Variants in DRC7 observed in about 807,000 individuals in gnomAD.
DRC7 encodes the protein dynein regulatory complex subunit 7, also known as coiled-coil domain containing 135.
DRC7 carries 80 observed loss-of-function variants against 104.4 expected under a neutral mutation model. The observed-to-expected ratio is 0.77, with a 90% CI of 0.64 to 0.92. The LOEUF (loss-of-function observed/expected upper bound fraction) is 0.92. Ranked by LOEUF, DRC7 falls within the 40% of genes least tolerant of loss-of-function variation. The pLI is 0.00. For missense variants in DRC7, 1,034 were observed against 1,141.1 expected (o/e 0.91, Z 1.35); for synonymous variants, 405 against 447.3 (o/e 0.91, Z 1.19).
At chr16:57,726,689 T>G in intron 14 of DRC7, 143 bp from the exon 15 acceptor site, 1 of 582,530 alleles carries the variant, frequency 1.7e-6, no homozygotes, top group Non-Finnish European at 3.1e-6. Flanking sequence ...TTTTTATAAG[T>G]GAGAAAATTA....
chr16:57,717,158 A>C (rs1287481416), intron 8 of DRC7, among the ~76,000 whole-genome samples: 1 of 144,524 alleles, frequency 6.9e-6, no homozygotes, highest in Admixed American at 6.9e-5. Flanking sequence ...ACCCTGTCTC[A>C]AAAAAAAAAA....
chr16:57,722,141 G>C (rs2048909910), intron 10 of DRC7, among the ~76,000 whole-genome samples: 1 of 152,216 alleles, frequency 6.6e-6, no homozygotes, highest in African/African-American at 2.4e-5. Context: ...GGCAGGGACT[G>C]TCATGCTCCA....
In DRC7 at chr16:57,698,052, G is replaced by T; in HGVS notation, c.103G>T (p.Val35Phe). 2 of 1,614,200 alleles carry T rather than the reference G, an allele frequency of 1.2e-6. No homozygotes were observed. The highest frequency in any genetic ancestry group is 1.7e-6 in the Non-Finnish European group (2 of 1,180,046). ...WARMEKMMRP[V>F]EVRKEEITLK... ...GAGGATGGAGAAAATGATGAGGCCA[G>T]TTGAGGTGCGGAAGGAGGAAATCAC... Residue 35 changes from valine to phenylalanine, a missense_variant, in exon 3 of 19, where the codon GTT (valine) becomes TTT (phenylalanine). Val to Phe is a conservative substitution (Grantham distance 50, BLOSUM62 -1). Coordinates refer to ENST00000360716, the MANE Select transcript of DRC7 (RefSeq NM_001289162.2).
Position 57,728,370 on chromosome 16 carries a change from T to G in DRC7, c.2197-20T>G. 1 of 1,555,408 alleles carries G rather than the reference T, an allele frequency of 6.4e-7. No individual in the cohort carries two copies. The highest frequency in any genetic ancestry group is 8.7e-7 in the Non-Finnish European group (1 of 1,146,576). On this transcript the variant is annotated intron_variant, in intron 16 of 18. Coordinates refer to ENST00000360716, the MANE Select transcript of DRC7 (RefSeq NM_001289162.2). ...TCTGTAGTTCCTGCTGATCCAGCTA[T>G]CTGCCCCTCACCTTTACAGGAGCGC...
At chr16:57,706,614 C>G (rs1343128220) in intron 7 of DRC7, among the ~76,000 whole-genome samples, 5 of 118,530 alleles carry the variant, frequency 4.2e-5, no homozygotes, top group African/African-American at 1.6e-4. Flanking sequence ...TCCCACCCAC[C>G]CCCCCATCCG....
rs771978637 is a variant in DRC7 at position 57,730,917 on chromosome 16, C to T, written c.2392-14C>T. ...CTTGTCAGTCCTCCTTCTCTGTCTGCCCTATGACCACAGGAGACCCAGGAG... is the reference window on the plus strand; with the variant it reads ...CTTGTCAGTCCTCCTTCTCTGTCTGTCCTATGACCACAGGAGACCCAGGAG... On this transcript the variant is annotated splice_polypyrimidine_tract_variant and intron_variant, in intron 17 of 18. Transcript: ENST00000360716. 1.1e-5 allele frequency: 18 copies of T among 1,612,236 alleles called. 1 individual carries two copies. In the South Asian group the frequency reaches 2.0e-4, roughly 18 times the overall value.
intron 17 of DRC7, among the ~76,000 whole-genome samples, chr16:57,729,804 GA>G: frequency 7.5e-6 from 1 of 134,190 alleles, no homozygotes; most frequent in African/African-American, 3.5e-5. Context: ...ATGGATGGAT[GA>G]GTGAGTAGGT....
intron 6 of DRC7, among the ~76,000 whole-genome samples, chr16:57,703,967 CAAAAAA>C (rs35232247): frequency 4.7e-5 from 3 of 64,348 alleles, no homozygotes; most frequent in East Asian, 4.7e-4. Context: ...ACTCTGGCTC[CAAAAAA>C]AAAAAAAAAA....
chr16:57,731,555 C>T lies in DRC7; in HGVS notation c.*297C>T. 1 of 434,274 alleles carries T rather than the reference C, an allele frequency of 2.3e-6. No homozygotes were observed. Among genetic ancestry groups the T allele is most frequent in the Non-Finnish European group, 4.2e-6 (1 of 238,566 alleles). The allele number at this position is 434,274 out of a possible 1,614,324, so 26.9% of individuals were successfully genotyped here. A position where few individuals can be genotyped will look rare whatever the true frequency, so the allele number is the denominator to read the frequency against. The stretch of plus-strand genomic sequence containing the variant: ...CTTCCTCCCCTTGGCCTGTCGTTTG[C>T]TTCCTGTCCTTCTCTCCGTTGGAAT... On this transcript the variant is annotated 3_prime_UTR_variant, in exon 19 of 19. Coordinates refer to ENST00000360716, the MANE Select transcript of DRC7 (RefSeq NM_001289162.2).
chr16:57,702,726 C>T (rs950664483), intron 6 of DRC7, among the ~76,000 whole-genome samples: 10 of 152,064 alleles, frequency 6.6e-5, no homozygotes, highest in South Asian at 4.1e-4. Flanking sequence ...ACTTGAAACC[C>T]GGGAGGCAAA....
chr16:57,726,781 T>G (rs1203689202), intron 14 of DRC7, 51 bp from the exon 15 acceptor site: 1 of 1,211,122 alleles, frequency 8.3e-7, no homozygotes, highest in East Asian at 2.4e-5. Flanking sequence ...GGTGGTCCTA[T>G]GCCCCGATCA....
chr16:57,700,356 A>G, intron 5 of DRC7, 86 bp downstream of exon 5: 1 of 1,493,568 alleles, frequency 6.7e-7, no homozygotes, highest in Middle Eastern at 1.8e-4. Flanking sequence ...AACCCAAAGA[A>G]TGGACTTAGA....
intron 17 of DRC7, among the ~76,000 whole-genome samples, chr16:57,729,808 GAGTA>G (rs1288630686): frequency 1.7e-4 from 24 of 140,714 alleles, no homozygotes; most frequent in African/African-American, 5.7e-4. Flanking sequence ...ATGGATGAGT[GAGTA>G]GGTGGGTGGA....
rs570401709 is a variant in DRC7 at position 57,698,152 on chromosome 16, C to T, written c.203C>T (p.Pro68Leu). 1.5e-5 allele frequency: 25 copies of T among 1,613,934 alleles called. No individual in the cohort carries two copies. The highest frequency in any genetic ancestry group is 8.9e-5 in the East Asian group (4 of 44,892). ...EIQITVSAEL[P>L]AFTKDTIDIS... ...CAGATCACTGTCTCAGCGGAGCTCC[C>T]GTGAGTGTGGCAGGGTGGGGGCCCT... Residue 68 changes from proline (P) to leucine (L), a missense_variant and splice_region_variant, in exon 3 of 19, where the codon CCG becomes CTG. Physicochemically the swap from Pro to Leu is moderately conservative, Grantham distance 98. Coordinates refer to ENST00000360716, the MANE Select transcript of DRC7 (RefSeq NM_001289162.2).
intron 6 of DRC7, among the ~76,000 whole-genome samples, chr16:57,703,172 C>G (rs1418967273): frequency 6.7e-6 from 1 of 148,220 alleles, no homozygotes; most frequent in African/African-American, 2.5e-5. Flanking sequence ...AGCCACCGTG[C>G]CTGGCCCTCA....
Position 57,730,141 on chromosome 16 carries a change from GTGGA to G in DRC7, c.2392-771_2392-768del, listed in dbSNP as rs1305243488. Among the ~76,000 whole-genome samples the G allele has an allele frequency of 1.6e-4, 18 of 112,478 alleles. No homozygotes were observed. In the East Asian group the frequency reaches 3.9e-3, roughly 24 times the overall value. 73.8% of individuals were successfully genotyped at this position (112,478 alleles called of 152,430 possible). ...GGTGGATGGATGAGTGGGTGGGTGG[GTGGA>G]TGGATGGATGGATGGATGAGTAGGT... On this transcript the variant is annotated intron_variant, in intron 17 of 18. Coordinates refer to ENST00000360716, the MANE Select transcript of DRC7 (RefSeq NM_001289162.2).
intron 15 of DRC7, 138 bp from the exon 16 acceptor site, chr16:57,727,161 G>A (rs1285995002): frequency 5.4e-6 from 4 of 739,236 alleles, no homozygotes; most frequent in Non-Finnish European, 6.9e-6. Context: ...TTAACAGATG[G>A]GGTTTTTCCA....
At chr16:57,701,902 G>T (rs371696555) in intron 5 of DRC7, 34 bp from the exon 6 acceptor site, 10 of 1,592,964 alleles carry the variant, frequency 6.3e-6, no homozygotes, top group Non-Finnish European at 6.9e-6. Context: ...GGGCAGCGGG[G>T]CCCCAGCTGT....
intron 7 of DRC7, among the ~76,000 whole-genome samples, chr16:57,705,789 TCCATCCATCCTCCCATTTCTCCTC>T (rs2048713325): frequency 3.4e-5 from 4 of 119,158 alleles, no homozygotes; most frequent in African/African-American, 9.9e-5. Context: ...CATCCTCCCA[TCCATCCATCCTCCCATTTCTCCTC>T]CCATCCATCC....
Sources: allele counts gnomAD v4.1 joint callset (sites outside exome capture counted in the v4.1 genomes callset), GRCh38; gene constraint gnomAD v4.1.1; transcripts MANE v1.5; gene names NCBI Gene and HGNC (gene_info 2026-07-23, HGNC 2026-07-21).